The following FGF14 variants were observed in gnomAD, a reference collection of about 807,000 sequenced individuals.
The protein encoded by FGF14 is fibroblast growth factor 14, also known as fibroblast growth factor homologous factor 4.
In FGF14, 5 loss-of-function variants were observed where a neutral mutation model predicts 25.5. The observed-to-expected ratio is 0.20, with a 90% CI of 0.10 to 0.41. The LOEUF is 0.41. Ranked by LOEUF, FGF14 falls within the 10% of genes least tolerant of loss-of-function variation. FGF14 has a pLI of 1.00. For missense variants in FGF14, 222 were observed against 320.1 expected (o/e 0.69, Z 2.34); for synonymous variants, 138 against 118.3 (o/e 1.17, Z -1.08).
chr13:102,053,125 A>G (rs2042287421), intron 1 of FGF14, among the ~76,000 whole-genome samples: 1 of 152,162 alleles, frequency 6.6e-6, no homozygotes, highest in Admixed American at 6.5e-5. Flanking sequence ...ATCACAAAGG[A>G]AGATAGCAAG....
intron 1 of FGF14, among the ~76,000 whole-genome samples, chr13:101,899,871 A>C (rs533664430): frequency 6.6e-6 from 1 of 152,236 alleles, no homozygotes; most frequent in South Asian, 2.1e-4. Context: ...AAAGTAAATT[A>C]AAAAATAAAA....
chr13:101,741,496 A>C (rs2036554125), intron 3 of FGF14, among the ~76,000 whole-genome samples: 1 of 152,126 alleles, frequency 6.6e-6, no homozygotes, highest in African/African-American at 2.4e-5. Context: ...GACCAAAAAA[A>C]CCCTGCTGAA....
At chr13:101,809,878 T>C (rs2041401423) in intron 3 of FGF14, among the ~76,000 whole-genome samples, 1 of 152,056 alleles carries the variant, frequency 6.6e-6, no homozygotes, top group South Asian at 2.1e-4. Context: ...ATTCACATCT[T>C]ATAGAGGAAG....
chr13:102,193,868 G>A (rs951338951), intron 1 of FGF14, among the ~76,000 whole-genome samples: 3 of 147,586 alleles, frequency 2.0e-5, no homozygotes, highest in African/African-American at 7.6e-5. Flanking sequence ...GGGGAATATG[G>A]CCCCAAAACA....
rs370552419 is a variant in FGF14 at position 101,799,226 on chromosome 13, T to C, written c.408+69499A>G. Among the ~76,000 whole-genome samples, 117 of 152,262 alleles carry C rather than the reference T, an allele frequency of 7.7e-4. 3 individuals are homozygous for C. The South Asian group carries it at 0.024, about 31-fold the overall frequency. On this transcript the variant is annotated intron_variant, in intron 3 of 4. Coordinates refer to ENST00000376143, the MANE Select transcript of FGF14 (RefSeq NM_004115.4). The stretch of plus-strand genomic sequence containing the variant: ...TTTTTTTCTCCCTGTCTGATCTTTC[T>C]TATTTCAAATTCATGCTGTTCTCTC...
At chr13:101,895,022 T>G (rs1257507226) in intron 1 of FGF14, among the ~76,000 whole-genome samples, 1 of 152,224 alleles carries the variant, frequency 6.6e-6, no homozygotes, top group Non-Finnish European at 1.5e-5. Context: ...GAGACATGTT[T>G]CAAATCATTA....
chr13:102,008,336 C>A (rs1481223190), intron 1 of FGF14, among the ~76,000 whole-genome samples: 1 of 152,200 alleles, frequency 6.6e-6, no homozygotes, highest in Non-Finnish European at 1.5e-5. Flanking sequence ...AAAGACCTCT[C>A]CAAGTCACTC....
intron 1 of FGF14, among the ~76,000 whole-genome samples, chr13:102,375,338 G>A (rs2058014086): frequency 6.6e-6 from 1 of 152,120 alleles, no homozygotes; most frequent in Non-Finnish European, 1.5e-5. Flanking sequence ...CTGATTTCTA[G>A]CACAGTGTAC....
At chr13:102,018,796 T>C (rs1028784569) in intron 1 of FGF14, among the ~76,000 whole-genome samples, 1 of 152,160 alleles carries the variant, frequency 6.6e-6, no homozygotes, top group Non-Finnish European at 1.5e-5. Context: ...TTTTACATAG[T>C]AATATTTTTC....
chr13:102,064,099 A>G (rs1254295757), intron 1 of FGF14, among the ~76,000 whole-genome samples: 3 of 152,156 alleles, frequency 2.0e-5, no homozygotes, highest in Non-Finnish European at 2.9e-5. Flanking sequence ...TGGCCGAAGG[A>G]TGTTGAAGAA....
At chr13:102,250,645 G>T (rs1199374595) in intron 1 of FGF14, among the ~76,000 whole-genome samples, 2 of 152,120 alleles carry the variant, frequency 1.3e-5, no homozygotes, top group East Asian at 3.9e-4. Flanking sequence ...CAATAAAGAA[G>T]CCTGTTCACT....
At chr13:102,215,825 C>T (rs1566826351) in intron 1 of FGF14, among the ~76,000 whole-genome samples, 1 of 152,204 alleles carries the variant, frequency 6.6e-6, no homozygotes, top group Non-Finnish European at 1.5e-5. Context: ...AGGGACGACG[C>T]TATGTACATT....
At chr13:102,353,652 AC>A (rs1393382964) in intron 1 of FGF14, among the ~76,000 whole-genome samples, 2 of 152,152 alleles carry the variant, frequency 1.3e-5, no homozygotes, top group African/African-American at 4.8e-5. Context: ...TAGATGGATC[AC>A]TTCAATCCAT....
chr13:102,297,753 G>A (rs1157428983), intron 1 of FGF14, among the ~76,000 whole-genome samples: 3 of 151,730 alleles, frequency 2.0e-5, no homozygotes, highest in Non-Finnish European at 4.4e-5. Context: ...AAAATTAGCA[G>A]GGCATGGTGG....
chr13:102,271,684 C>T (rs2053254497), intron 1 of FGF14, among the ~76,000 whole-genome samples: 1 of 152,186 alleles, frequency 6.6e-6, no homozygotes, highest in Non-Finnish European at 1.5e-5. Context: ...ATAACTAGTA[C>T]AGTGTCTGGG....
chr13:102,118,964 A>G (rs1448687661), intron 1 of FGF14, among the ~76,000 whole-genome samples: 2 of 152,146 alleles, frequency 1.3e-5, no homozygotes, highest in Non-Finnish European at 2.9e-5. Flanking sequence ...CAGCTAATAA[A>G]TTTAGAAGAA....
chr13:102,068,502 C>A lies in FGF14; in HGVS notation c.209-193206G>T, dbSNP rs569471055. Among the ~76,000 whole-genome samples, 3 of 152,260 alleles carry A rather than the reference C, an allele frequency of 2.0e-5. No homozygotes were observed. In the East Asian group the frequency reaches 5.8e-4, roughly 29 times the overall value. On this transcript the variant is annotated intron_variant, in intron 1 of 4. Coordinates refer to the FGF14 transcript ENST00000376131. ...GAGGCGCGAGCGGGAACCAGGGCTGCGTACAGTGCTTGCGGGCCAGCTGGA... is the reference window on the plus strand; with the variant it reads ...GAGGCGCGAGCGGGAACCAGGGCTGAGTACAGTGCTTGCGGGCCAGCTGGA...
chr13:102,394,506 G>A (rs1354812920), intron 1 of FGF14: 1 of 152,554 alleles, frequency 6.6e-6, no homozygotes, highest in Non-Finnish European at 1.5e-5. Flanking sequence ...GGCCGCCATG[G>A]TTTCCATAGC....
intron 3 of FGF14, among the ~76,000 whole-genome samples, chr13:101,856,463 T>G (rs1419035286): frequency 6.6e-6 from 1 of 151,950 alleles, no homozygotes; most frequent in Non-Finnish European, 1.5e-5. Context: ...ATATTACCTC[T>G]GTTGATAACA....
Sources: allele counts gnomAD v4.1 joint callset (sites outside exome capture counted in the v4.1 genomes callset), GRCh38; gene constraint gnomAD v4.1.1; transcripts MANE v1.5; gene names NCBI Gene and HGNC (gene_info 2026-07-23, HGNC 2026-07-21).